The following GALNT17 variants were observed in gnomAD, a reference collection of about 807,000 sequenced individuals.
GALNT17 encodes the protein UDP-GalNAc:polypeptide N-acetylgalactosaminyltransferase-like 3.
In GALNT17, 29 loss-of-function variants were observed where a neutral mutation model predicts 63.7. The observed-to-expected ratio is 0.46, with a 90% CI of 0.34 to 0.62. The LOEUF (loss-of-function observed/expected upper bound fraction) is 0.62, where lower values mean the gene tolerates loss of function less well. GALNT17 is among the 20% of genes least tolerant of loss of function. The probability of loss-of-function intolerance (pLI) is 0.01; values close to 1 mark genes in which losing one functional copy is unlikely to be tolerated. For missense variants in GALNT17, 603 were observed against 799.6 expected (o/e 0.75, Z 2.97); for synonymous variants, 305 against 318.3 (o/e 0.96, Z 0.45).
chr7:71,462,123 AC>A (rs1397656462), intron 5 of GALNT17, among the ~76,000 whole-genome samples: 1 of 152,104 alleles, frequency 6.6e-6, no homozygotes, highest in Non-Finnish European at 1.5e-5. Context: ...CTACTCAGCC[AC>A]CCAGAGTCCT....
chr7:71,422,829 T>C (rs1341955162), intron 5 of GALNT17, among the ~76,000 whole-genome samples: 1 of 152,186 alleles, frequency 6.6e-6, no homozygotes, highest in Non-Finnish European at 1.5e-5. Context: ...CCAGATCACA[T>C]GTGGGCTTAG....
intron 3 of GALNT17, among the ~76,000 whole-genome samples, chr7:71,389,508 C>G (rs1475934046): frequency 6.6e-6 from 1 of 152,066 alleles, no homozygotes; most frequent in Non-Finnish European, 1.5e-5. Context: ...AACCATCTCC[C>G]CTGACCCCCA....
chr7:71,261,778 T>C (rs941109072), intron 1 of GALNT17, among the ~76,000 whole-genome samples: 1 of 152,212 alleles, frequency 6.6e-6, no homozygotes, highest in African/African-American at 2.4e-5. Flanking sequence ...CTGTGCCAAG[T>C]GTGTCTCAGC....
chr7:71,523,735 C>T (rs989199928), intron 5 of GALNT17, among the ~76,000 whole-genome samples: 8 of 142,120 alleles, frequency 5.6e-5, no homozygotes, highest in African/African-American at 2.1e-4. Context: ...GAGCAAGACC[C>T]TGTCTCAAAA....
intron 5 of GALNT17, among the ~76,000 whole-genome samples, chr7:71,563,283 C>T (rs770393428): frequency 1.2e-4 from 18 of 152,138 alleles, no homozygotes; most frequent in South Asian, 6.2e-4. Flanking sequence ...CTCTTCAGCC[C>T]GCAAGTGGTA....
chr7:71,335,595 G>T lies in GALNT17; in HGVS notation c.284G>T (p.Gly95Val). ...CTCATTGAAGGTTATGGTGGGCGGGGTAAAGGGGGCCTTCCGGCTACTCTT... is the reference window on the plus strand; with the variant it reads ...CTCATTGAAGGTTATGGTGGGCGGGTTAAAGGGGGCCTTCCGGCTACTCTT... The part of the protein sequence containing the change: ...LGLIEGYGGR[G>V]KGGLPATLSP... The change falls in exon 2 of 11, where the codon GGT becomes GTT. Residue 95 changes from glycine (G) to valine (V), a missense_variant. This residue lies in a region of GALNT17 where 195 missense variants were observed against 215.0 expected (regional missense o/e 0.91). Coordinates refer to ENST00000333538, the MANE Select transcript of GALNT17 (RefSeq NM_022479.3). The T allele has an allele frequency of 6.2e-7, 1 of 1,612,030 alleles. No homozygotes were observed. The highest frequency in any genetic ancestry group is 2.2e-5 in the East Asian group (1 of 44,692).
intron 5 of GALNT17, among the ~76,000 whole-genome samples, chr7:71,423,211 A>G (rs1299101089): frequency 6.6e-6 from 1 of 152,234 alleles, no homozygotes; most frequent in Non-Finnish European, 1.5e-5. Context: ...CCGTGGGCAC[A>G]GGCCCGAGGG....
chr7:71,368,972 A>G (rs1792566258), intron 2 of GALNT17, among the ~76,000 whole-genome samples: 3 of 152,002 alleles, frequency 2.0e-5, no homozygotes, highest in Admixed American at 2.0e-4. Flanking sequence ...TGAAATAAGA[A>G]TCGGAATTAA....
At chr7:71,364,254 G>A (rs1167234690) in intron 2 of GALNT17, among the ~76,000 whole-genome samples, 5 of 152,160 alleles carry the variant, frequency 3.3e-5, no homozygotes, top group Admixed American at 6.5e-5. Context: ...GAGATTTGAA[G>A]TCAGGCCTCA....
chr7:71,345,063 T>C (rs988176167), intron 2 of GALNT17, among the ~76,000 whole-genome samples: 1 of 152,188 alleles, frequency 6.6e-6, no homozygotes, highest in Non-Finnish European at 1.5e-5. Flanking sequence ...GGCTCTGTGT[T>C]TGTAAGAAGA....
At chr7:71,512,575 A>G (rs1354267477) in intron 5 of GALNT17, among the ~76,000 whole-genome samples, 2 of 152,214 alleles carry the variant, frequency 1.3e-5, no homozygotes, top group Non-Finnish European at 2.9e-5. Context: ...GTTGCTTCTC[A>G]GCTCTTTCTG....
chr7:71,168,627 A>G (rs1788489230), intron 1 of GALNT17, among the ~76,000 whole-genome samples: 2 of 151,978 alleles, frequency 1.3e-5, no homozygotes, highest in Admixed American at 1.3e-4. Flanking sequence ...GTTTTTATAT[A>G]CTCATATATA....
intron 10 of GALNT17, among the ~76,000 whole-genome samples, chr7:71,711,638 CTCT>C (rs897716610): frequency 1.3e-5 from 2 of 150,778 alleles, no homozygotes; most frequent in African/African-American, 4.9e-5. Flanking sequence ...CTCCTCTCTT[CTCT>C]TTTTTCTCTC....
intron 3 of GALNT17, among the ~76,000 whole-genome samples, chr7:71,399,925 G>C (rs975799594): frequency 2.6e-5 from 4 of 152,104 alleles, no homozygotes; most frequent in Non-Finnish European, 5.9e-5. Flanking sequence ...TTTGCCTATT[G>C]ATGACTCCTT....
chr7:71,622,192 A>T (rs1790304082), intron 6 of GALNT17, among the ~76,000 whole-genome samples: 1 of 152,188 alleles, frequency 6.6e-6, no homozygotes, highest in African/African-American at 2.4e-5. Flanking sequence ...AACTCCTAGA[A>T]TGGGCAACAT....
intron 6 of GALNT17, among the ~76,000 whole-genome samples, chr7:71,654,654 T>G (rs954254384): frequency 6.7e-6 from 1 of 149,262 alleles, no homozygotes; most frequent in Non-Finnish European, 1.5e-5. Flanking sequence ...AATTTCTTGT[T>G]GTTTCACTGT....
chr7:71,199,044 G>A (rs1404623249), intron 1 of GALNT17, among the ~76,000 whole-genome samples: 1 of 152,086 alleles, frequency 6.6e-6, no homozygotes, highest in Non-Finnish European at 1.5e-5. Flanking sequence ...AATACTTTGA[G>A]AACCTCTATG....
intron 6 of GALNT17, among the ~76,000 whole-genome samples, chr7:71,619,740 A>G (rs1790265056): frequency 6.6e-6 from 1 of 152,186 alleles, no homozygotes; most frequent in Non-Finnish European, 1.5e-5. Flanking sequence ...GTCAGTGAAG[A>G]GAGATCATTG....
chr7:71,305,523 C>T (rs1031556628), intron 1 of GALNT17, among the ~76,000 whole-genome samples: 1 of 152,184 alleles, frequency 6.6e-6, no homozygotes, highest in Non-Finnish European at 1.5e-5. Flanking sequence ...AATCTGGGCT[C>T]TCATTTCATG....
Sources: gnomAD v4.1 joint callset for allele counts (sites outside exome capture counted in the v4.1 genomes callset) on GRCh38, gnomAD v4.1.1 for gene constraint, gnomAD v4.1.1 regional missense constraint, MANE v1.5 for transcripts, NCBI Gene and HGNC (gene_info 2026-07-23, HGNC 2026-07-21) for gene names.